AHNAK: variants seen among roughly 807,000 people sequenced by gnomAD.
AHNAK encodes the protein neuroblast differentiation-associated protein AHNAK.
A neutral mutation model predicts 37.8 loss-of-function variants in AHNAK; 23 were observed. That is an observed-to-expected ratio of 0.61 (90% CI 0.44 to 0.86). The LOEUF is 0.86. AHNAK is among the 40% of genes least tolerant of loss of function. The pLI is 0.00. For synonymous variants in AHNAK, 2,481 were observed against 2,636.3 expected, an observed-to-expected ratio of 0.94 and a Z score of 1.80; for missense variants, 7,411 against 7,319.4, an observed-to-expected ratio of 1.01 and a Z score of -0.46.
chr11:62,533,012 C>T lies in AHNAK; in HGVS notation c.1405G>A (p.Val469Ile), dbSNP rs1474923061. The T allele has an allele frequency of 6.2e-7, 1 of 1,614,150 alleles. No individual in the cohort carries two copies. Among genetic ancestry groups the T allele is most frequent in the Admixed American group, 1.7e-5 (1 of 60,028 alleles). Residue 469 changes from valine to isoleucine, a missense_variant, in exon 5 of 5, where the codon GTC becomes ATC. By Grantham distance (29) the Val-to-Ile change is conservative. Coordinates refer to ENST00000378024, the MANE Select transcript of AHNAK (RefSeq NM_001620.3). ...EVTVPGVSGDVSLPEIATGGL... is the reference protein window; with the variant it reads ...EVTVPGVSGDISLPEIATGGL... The stretch of plus-strand genomic sequence containing the variant: ...CCAGTAGCAATCTCAGGCAGGCTGA[C>T]ATCCCCAGAGACCCCAGGAACAGTC...
intron 5 of AHNAK, among the ~76,000 whole-genome samples, chr11:62,486,181 T>C (rs1939389333): frequency 6.6e-6 from 1 of 151,600 alleles, no homozygotes; most frequent in African/African-American, 2.4e-5. Context: ...ATTCATACAG[T>C]CAGAAAGTAG....
At chr11:62,495,140 C>T (rs1476386777) in intron 4 of AHNAK, among the ~76,000 whole-genome samples, 1 of 151,772 alleles carries the variant, frequency 6.6e-6, no homozygotes, top group African/African-American at 2.4e-5. Flanking sequence ...GCACTCTAGC[C>T]TAGGTGACAG....
intron 5 of AHNAK, among the ~76,000 whole-genome samples, chr11:62,458,347 C>T (rs1300974022): frequency 2.0e-5 from 3 of 152,004 alleles, no homozygotes; most frequent in African/African-American, 7.2e-5. Flanking sequence ...GTCAGAGCTT[C>T]AGTGGGCCTT....
intron 4 of AHNAK, among the ~76,000 whole-genome samples, chr11:62,506,736 A>T (rs1193834745): frequency 6.6e-6 from 1 of 152,132 alleles, no homozygotes; most frequent in African/African-American, 2.4e-5. Context: ...TGATTTGATC[A>T]TAGTTTCTCC....
In AHNAK at chr11:62,531,764, A is replaced by T. The variant is rs142218938; in HGVS notation, c.2653T>A (p.Phe885Ile). The part of the protein sequence containing the change: ...LKMPKMKMPK[F>I]SMPGFKAEGP... Reference sequence around the variant, plus strand: ...TCTGCTTTGAAGCCAGGCATGCTGAACTTGGGCATTTTCATCTTGGGCATC... The same window carrying T: ...TCTGCTTTGAAGCCAGGCATGCTGATCTTGGGCATTTTCATCTTGGGCATC... The change falls in exon 5 of 5, where the codon TTC (phenylalanine) becomes ATC (isoleucine). Residue 885 changes from phenylalanine (F) to isoleucine (I), a missense_variant. Phe to Ile is a conservative substitution (Grantham distance 21, BLOSUM62 0). Transcript: ENST00000378024. 14 of 1,613,244 alleles carry T rather than the reference A, an allele frequency of 8.7e-6. No homozygotes were observed. Among genetic ancestry groups the T allele is most frequent in the Non-Finnish European group, 1.2e-5 (14 of 1,179,880 alleles).
At chr11:62,492,110 C>T (rs976282554) in intron 4 of AHNAK, among the ~76,000 whole-genome samples, 3 of 152,098 alleles carry the variant, frequency 2.0e-5, no homozygotes, top group Non-Finnish European at 4.4e-5. Flanking sequence ...ATGCTATCTC[C>T]GGTTCATCCA....
At position 62,529,350 on chromosome 11, in the gene AHNAK, A is replaced by G. The variant is rs2134232084; in HGVS notation, c.5067T>C (p.Ile1689=). 6.2e-7 allele frequency: 1 copy of G among 1,613,608 alleles called. No homozygotes were observed. The highest frequency in any genetic ancestry group is 8.5e-7 in the Non-Finnish European group (1 of 1,179,846). ...CATCAATGTCCACTTTGGGCCCTTTAATGTCAACATCTGGCACTTTCATTT... is the reference window on the plus strand; with the variant it reads ...CATCAATGTCCACTTTGGGCCCTTTGATGTCAACATCTGGCACTTTCATTT... ...EGEMKVPDVD[I]KGPKVDIDAP... is the part of the protein sequence containing the mutation. Residue 1689 remains isoleucine, a synonymous_variant, in exon 5 of 5, where the codon ATT becomes ATC. Coordinates refer to ENST00000378024, the MANE Select transcript of AHNAK (RefSeq NM_001620.3).
At position 62,521,999 on chromosome 11, in the gene AHNAK, C is replaced by G. The variant is rs1264222366; in HGVS notation, c.12418G>C (p.Gly4140Arg). ...TCCACGTCGCCCTTCATCTTTGGACCTTTCAGATTCAGGTCAACTTCAGGC... is the reference window on the plus strand; with the variant it reads ...TCCACGTCGCCCTTCATCTTTGGACGTTTCAGATTCAGGTCAACTTCAGGC... The part of the protein sequence containing the change: ...SMPEVDLNLK[G>R]PKMKGDVDVS... The change falls in exon 5 of 5, where the codon GGT (glycine) becomes CGT (arginine). Residue 4140 changes from glycine (G) to arginine (R), a missense_variant. Transcript: ENST00000378024. 2 of 1,613,834 alleles carry G rather than the reference C, an allele frequency of 1.2e-6. No homozygotes were observed. The highest frequency in any genetic ancestry group is 1.7e-4 in the Middle Eastern group (1 of 6,060).
chr11:62,535,292 C>T (rs1480311897), intron 3 of AHNAK, 102 bp from the exon 4 acceptor site: 26 of 1,088,862 alleles, frequency 2.4e-5, no homozygotes, highest in Middle Eastern at 2.3e-4. Context: ...AACTCATGAC[C>T]ACCCTGCAAG....
chr11:62,506,200 C>A (rs1340786392), intron 4 of AHNAK, among the ~76,000 whole-genome samples: 1 of 150,890 alleles, frequency 6.6e-6, no homozygotes, highest in Non-Finnish European at 1.5e-5. Context: ...CAGAGCGAGA[C>A]CCTGTCTAAA....
In AHNAK at chr11:62,533,301, G is replaced by A; in HGVS notation, c.1116C>T (p.Gly372=). Reference sequence around the variant, plus strand: ...CAAGTGATGGCCCAGTGATTTGGGGGCCCTTCAGCTTCCCCTCAAGGCCCT... The same window carrying A: ...CAAGTGATGGCCCAGTGATTTGGGGACCCTTCAGCTTCCCCTCAAGGCCCT... ...NIEGLEGKLK[G]PQITGPSLEG... The change falls in exon 5 of 5, where the codon GGC becomes GGT. Residue 372 remains glycine (G), a synonymous_variant. Transcript: ENST00000378024. 6.5e-7 allele frequency: 1 copy of A among 1,530,392 alleles called. No individual in the cohort carries two copies. The allele number at this position is 1,530,392 out of a possible 1,614,324, so 94.8% of individuals were successfully genotyped here. A position where few individuals can be genotyped will look rare whatever the true frequency, so the allele number is the denominator to read the frequency against.
At chr11:62,485,441 A>C (rs948520409) in intron 5 of AHNAK, among the ~76,000 whole-genome samples, 2 of 151,902 alleles carry the variant, frequency 1.3e-5, no homozygotes, top group Non-Finnish European at 2.9e-5. Context: ...GGTGGCTCAC[A>C]CCTATAATCC....
In AHNAK at chr11:62,532,754, G is replaced by A. The variant is rs1461023436; in HGVS notation, c.1663C>T (p.Pro555Ser). 8 of 1,613,918 alleles carry A rather than the reference G, an allele frequency of 5.0e-6. No individual in the cohort carries two copies. The highest frequency in any genetic ancestry group is 6.8e-6 in the Non-Finnish European group (8 of 1,180,024). The change falls in exon 5 of 5, where the codon CCT becomes TCT. Residue 555 changes from proline to serine, a missense_variant. Physicochemically the swap from Pro to Ser is moderately conservative, Grantham distance 74. Coordinates refer to ENST00000378024, the MANE Select transcript of AHNAK (RefSeq NM_001620.3). ...TPNLEGTLTG[P>S]RLGSPSGKTG... ...TTCCCGGAAGGACTGCCAAGCCTAG[G>A]GCCTGTCAAGGTTCCCTCTAGGTTT...
At position 62,523,498 on chromosome 11, in the gene AHNAK, A is replaced by G. The variant is rs778563491; in HGVS notation, c.10919T>C (p.Val3640Ala). ...TTCAATATTCACGTCTGGAACATCA[A>G]CGTCTACATTGGGACCAGAAATGTC... Reference protein sequence around the residue: ...DIDISGPNVDVDVPDVNIEGP... With the variant: ...DIDISGPNVDADVPDVNIEGP... The change falls in exon 5 of 5, where the codon GTT becomes GCT. Residue 3640 changes from valine to alanine, a missense_variant. Coordinates refer to ENST00000378024, the MANE Select transcript of AHNAK (RefSeq NM_001620.3). The G allele has an allele frequency of 6.2e-6, 10 of 1,613,956 alleles. No homozygotes were observed. The highest frequency in any genetic ancestry group is 1.1e-5 in the South Asian group (1 of 91,064).
At position 62,532,716 on chromosome 11, in the gene AHNAK, A is replaced by G; in HGVS notation, c.1701T>C (p.Cys567=). 1 of 1,613,912 alleles carries G rather than the reference A, an allele frequency of 6.2e-7. No individual in the cohort carries two copies. Among genetic ancestry groups the G allele is most frequent in the Non-Finnish European group, 8.5e-7 (1 of 1,179,976 alleles). ...LGSPSGKTGT[C]RISMSEVDLN... is the part of the protein sequence containing the mutation. ...AGTCTACTTCTGACATAGAGATCCT[A>G]CAGGTTCCGGTTTTCCCGGAAGGAC... is the stretch of plus-strand genomic sequence containing the variant. Residue 567 remains cysteine, a synonymous_variant, in exon 5 of 5, where the codon TGT becomes TGC. Transcript: ENST00000378024.
rs1382702161 is a variant in AHNAK, at chr11:62,532,705, A to G, written c.1712T>C (p.Met571Thr). Residue 571 changes from methionine (M) to threonine (T), a missense_variant, in exon 5 of 5, where the codon ATG (methionine) becomes ACG (threonine). Coordinates refer to ENST00000378024, the MANE Select transcript of AHNAK (RefSeq NM_001620.3). ...GGCCACATTTAAGTCTACTTCTGACATAGAGATCCTACAGGTTCCGGTTTT... is the reference window on the plus strand; with the variant it reads ...GGCCACATTTAAGTCTACTTCTGACGTAGAGATCCTACAGGTTCCGGTTTT... Reference protein sequence around the residue: ...SGKTGTCRISMSEVDLNVAAP... With the variant: ...SGKTGTCRISTSEVDLNVAAP... 1.2e-6 allele frequency: 2 copies of G among 1,613,974 alleles called. No individual in the cohort carries two copies. The highest frequency in any genetic ancestry group is 4.5e-5 in the East Asian group (2 of 44,876).
In AHNAK at chr11:62,516,335, C is replaced by T. The variant is rs1384328839; in HGVS notation, c.*409G>A. 7.8e-7 allele frequency: 1 copy of T among 1,288,568 alleles called. No individual in the cohort carries two copies. Among genetic ancestry groups the T allele is most frequent in the Non-Finnish European group, 1.0e-6 (1 of 988,338 alleles). The allele number at this position is 1,288,568 out of a possible 1,614,324, so 79.8% of individuals were successfully genotyped here. The stretch of plus-strand genomic sequence containing the variant: ...CTCCGTCTGCAACCCATCACCCCAC[C>T]CACCCTTACTAACAAAAGCCCCCAA... On this transcript the variant is annotated 3_prime_UTR_variant, in exon 5 of 5. Transcript: ENST00000378024.
At position 62,531,000 on chromosome 11, in the gene AHNAK, G is replaced by A. The variant is rs1940723092; in HGVS notation, c.3417C>T (p.Leu1139=). Residue 1139 remains leucine (L), a synonymous_variant, in exon 5 of 5, where the codon CTC becomes CTT. Coordinates refer to ENST00000378024, the MANE Select transcript of AHNAK (RefSeq NM_001620.3). The part of the protein sequence containing the change: ...MKMPKFSMPS[L]KGEGPEVDVN... ...CATCCACTTCTGGGCCCTCGCCTTT[G>A]AGGCTGGGCATGCTGAACTTGGGCA... is the stretch of plus-strand genomic sequence containing the variant. The A allele has an allele frequency of 6.2e-7, 1 of 1,614,144 alleles. No individual in the cohort carries two copies. The highest frequency in any genetic ancestry group is 2.2e-5 in the East Asian group (1 of 44,880).
intron 5 of AHNAK, among the ~76,000 whole-genome samples, chr11:62,475,546 T>C (rs931362119): frequency 6.9e-4 from 105 of 151,724 alleles, no homozygotes; most frequent in African/African-American, 2.3e-3. Flanking sequence ...TTTTGCATTG[T>C]TGAAATTTGC....
Sources: allele counts gnomAD v4.1 joint callset (sites outside exome capture counted in the v4.1 genomes callset), GRCh38; gene constraint gnomAD v4.1.1; transcripts MANE v1.5; gene names NCBI Gene and HGNC (gene_info 2026-07-23, HGNC 2026-07-21).